Variants in PRKG1 observed in about 807,000 individuals in gnomAD.
The protein encoded by PRKG1 is protein kinase cGMP-dependent 1.
Under a neutral mutation model 88.1 loss-of-function variants are expected in PRKG1, and 35 were observed. The ratio of observed to expected loss-of-function variants is 0.40; its 90% CI spans 0.30 to 0.53. PRKG1 has a LOEUF of 0.53. PRKG1 is among the 20% of genes least tolerant of loss of function. The pLI, the probability that PRKG1 is intolerant of heterozygous loss-of-function variation, is 0.59. For missense variants in PRKG1, 540 were observed against 839.8 expected (o/e 0.64, Z 4.41); for synonymous variants, 303 against 292.5 (o/e 1.04, Z -0.37).
chr10:51,690,994 G>T (rs1002577354), intron 3 of PRKG1, among the ~76,000 whole-genome samples: 3 of 146,202 alleles, frequency 2.1e-5, no homozygotes, highest in African/African-American at 7.6e-5. Context: ...CTTCATTCTA[G>T]AGCTGTTAAC....
intron 1 of PRKG1, among the ~76,000 whole-genome samples, chr10:51,123,983 C>A (rs1469994627): frequency 1.3e-5 from 2 of 152,092 alleles, no homozygotes; most frequent in Non-Finnish European, 1.5e-5. Flanking sequence ...AATGGTGCTA[C>A]AGCATTCATG....
chr10:51,166,586 C>A (rs1846548416), intron 2 of PRKG1, among the ~76,000 whole-genome samples: 1 of 152,008 alleles, frequency 6.6e-6, no homozygotes, highest in South Asian at 2.1e-4. Context: ...AATTAAGATG[C>A]CTTTTATGGA....
At chr10:51,823,414 A>G (rs1239944259) in intron 4 of PRKG1, among the ~76,000 whole-genome samples, 3 of 152,118 alleles carry the variant, frequency 2.0e-5, no homozygotes, top group Non-Finnish European at 4.4e-5. Context: ...TTTGAAATGC[A>G]AAGGGATAAC....
At chr10:51,278,697 C>A (rs1840203698) in intron 2 of PRKG1, among the ~76,000 whole-genome samples, 1 of 152,032 alleles carries the variant, frequency 6.6e-6, no homozygotes, top group Admixed American at 6.6e-5. Context: ...TGTATGTGTC[C>A]AGGAATTTAT....
At chr10:52,097,950 T>G (rs1391967395) in intron 7 of PRKG1, among the ~76,000 whole-genome samples, 1 of 152,102 alleles carries the variant, frequency 6.6e-6, no homozygotes, top group Admixed American at 6.5e-5. Context: ...AGGTAAGGTT[T>G]TCTTATTTTT....
chr10:51,204,367 C>CGTGTGTGT (rs34624885), intron 2 of PRKG1, among the ~76,000 whole-genome samples: 39 of 145,964 alleles, frequency 2.7e-4, no homozygotes, highest in African/African-American at 7.3e-4. Flanking sequence ...AGTAGACCTC[C>CGTGTGTGT]GTGTGTGTGT....
chr10:51,313,477 C>G (rs1841243337), intron 2 of PRKG1, among the ~76,000 whole-genome samples: 1 of 152,202 alleles, frequency 6.6e-6, no homozygotes, highest in Non-Finnish European at 1.5e-5. Flanking sequence ...ACCTCATTAT[C>G]TGTCCTCATT....
chr10:51,424,867 G>A (rs1008233563), intron 2 of PRKG1, among the ~76,000 whole-genome samples: 1 of 152,046 alleles, frequency 6.6e-6, no homozygotes, highest in African/African-American at 2.4e-5. Context: ...TATTTTCCCT[G>A]CTATTTTGTT....
intron 8 of PRKG1, among the ~76,000 whole-genome samples, chr10:52,143,828 G>T (rs181926097): frequency 6.7e-6 from 1 of 149,728 alleles, no homozygotes; most frequent in African/African-American, 2.5e-5. Flanking sequence ...GTAAATTTTG[G>T]ACTGAGAGGG....
intron 3 of PRKG1, among the ~76,000 whole-genome samples, chr10:51,491,375 AT>A (rs1840704302): frequency 6.6e-6 from 1 of 152,138 alleles, no homozygotes; most frequent in African/African-American, 2.4e-5. Flanking sequence ...CAGATGGAAA[AT>A]TTGACAGGTG....
intron 4 of PRKG1, among the ~76,000 whole-genome samples, chr10:51,882,723 T>C (rs373499684): frequency 1.3e-5 from 2 of 152,332 alleles, no homozygotes; most frequent in East Asian, 3.9e-4. Context: ...TGAACTTTTC[T>C]GATTCCATCT....
At chr10:51,156,511 A>G (rs1846220261) in intron 2 of PRKG1, among the ~76,000 whole-genome samples, 1 of 152,016 alleles carries the variant, frequency 6.6e-6, no homozygotes, top group African/African-American at 2.4e-5. Context: ...GTTCTAAATA[A>G]TATATCAATA....
chr10:51,350,225 T>G (rs543378530), intron 2 of PRKG1, among the ~76,000 whole-genome samples: 1 of 152,288 alleles, frequency 6.6e-6, no homozygotes, highest in East Asian at 1.9e-4. Flanking sequence ...CAGTCCACAA[T>G]GTACCCTCCC....
At chr10:52,114,300 C>T (rs1847636091) in intron 7 of PRKG1, among the ~76,000 whole-genome samples, 1 of 152,054 alleles carries the variant, frequency 6.6e-6, no homozygotes, top group Non-Finnish European at 1.5e-5. Flanking sequence ...CACTTTTTAG[C>T]TGTATGACTC....
intron 2 of PRKG1, among the ~76,000 whole-genome samples, chr10:51,362,741 C>T (rs1842509518): frequency 6.6e-6 from 1 of 151,804 alleles, no homozygotes; most frequent in African/African-American, 2.4e-5. Flanking sequence ...AACCCATCGT[C>T]TACGTTAGGT....
intron 2 of PRKG1, among the ~76,000 whole-genome samples, chr10:51,260,403 G>A (rs971813370): frequency 6.6e-6 from 1 of 151,830 alleles, no homozygotes; most frequent in Non-Finnish European, 1.5e-5. Flanking sequence ...TACTCTCCTA[G>A]ATGATTATTT....
At chr10:52,222,831 T>TGTAGTAATA (rs1442704236) in intron 9 of PRKG1, among the ~76,000 whole-genome samples, 1 of 152,220 alleles carries the variant, frequency 6.6e-6, no homozygotes. Context: ...CATATTGCCT[T>TGTAGTAATA]GTAGTAATAC....
intron 3 of PRKG1, among the ~76,000 whole-genome samples, chr10:51,749,192 T>C (rs1589255419): frequency 1.3e-5 from 2 of 152,372 alleles, no homozygotes; most frequent in South Asian, 4.1e-4. Context: ...GGTTGTAGTG[T>C]ATGCCATCTA....
intron 2 of PRKG1, among the ~76,000 whole-genome samples, chr10:51,456,408 A>T (rs1195059394): frequency 6.6e-6 from 1 of 152,156 alleles, no homozygotes; most frequent in Non-Finnish European, 1.5e-5. Flanking sequence ...ATGAAACTGG[A>T]TCCTCATCTC....
Sources: allele counts gnomAD v4.1 joint callset (sites outside exome capture counted in the v4.1 genomes callset), GRCh38; gene constraint gnomAD v4.1.1; transcripts MANE v1.5; gene names NCBI Gene and HGNC (gene_info 2026-07-23, HGNC 2026-07-21).